Variants in NEK9 observed in about 807,000 individuals in gnomAD.
NEK9 encodes the protein serine/threonine-protein kinase Nek9.
In NEK9, 75 loss-of-function variants were observed where a neutral mutation model predicts 123.4. That is an observed-to-expected ratio of 0.61 (90% confidence interval 0.50 to 0.74). NEK9 has a LOEUF of 0.74. Ranked by LOEUF, NEK9 falls within the 30% of genes least tolerant of loss-of-function variation. NEK9 has a pLI of 0.00. For missense variants in NEK9, 952 were observed against 1,214.4 expected (o/e 0.78, Z 3.21); for synonymous variants, 438 against 458.7 (o/e 0.95, Z 0.58).
intron 15 of NEK9, 114 bp from the exon 16 acceptor site, chr14:75,101,267 A>G (rs1308522085): frequency 8.9e-7 from 1 of 1,123,676 alleles, no homozygotes; most frequent in Non-Finnish European, 1.2e-6. Flanking sequence ...ATACAAATAT[A>G]AAACTAGCCA....
intron 16 of NEK9, among the ~76,000 whole-genome samples, chr14:75,100,394 C>T (rs1321818153): frequency 6.6e-6 from 1 of 151,896 alleles, no homozygotes; most frequent in East Asian, 1.9e-4. Flanking sequence ...TGTGATGAGC[C>T]GAGATTGCGC....
intron 1 of NEK9, 68 bp downstream of exon 1, chr14:75,126,635 G>T: frequency 1.6e-6 from 2 of 1,241,650 alleles, no homozygotes; most frequent in Non-Finnish European, 2.1e-6. Context: ...GGAAAGCGGG[G>T]CCGAGAAGGA....
intron 5 of NEK9, among the ~76,000 whole-genome samples, chr14:75,117,750 G>T (rs1002222782): frequency 1.1e-4 from 17 of 152,134 alleles, no homozygotes; most frequent in African/African-American, 4.1e-4. Context: ...TAAAATACGC[G>T]CAATGAAACT....
chr14:75,100,919 C>T, intron 16 of NEK9, 73 bp downstream of exon 16: 1 of 1,451,094 alleles, frequency 6.9e-7, no homozygotes. Flanking sequence ...ATAACTAGTC[C>T]ATTTCTTTCC....
chr14:75,103,235 T>C (rs1894651518), intron 14 of NEK9, among the ~76,000 whole-genome samples: 1 of 150,792 alleles, frequency 6.6e-6, no homozygotes, highest in Non-Finnish European at 1.5e-5. Flanking sequence ...CAGTGGTGAA[T>C]TTGCTAACAT....
intron 17 of NEK9, 59 bp downstream of exon 17, chr14:75,097,041 C>G: frequency 6.7e-7 from 1 of 1,488,792 alleles, no homozygotes; most frequent in Non-Finnish European, 9.1e-7. Context: ...TAACAGTACT[C>G]AGATGTGGGT....
At chr14:75,107,266 C>A in intron 11 of NEK9, 77 bp downstream of exon 11, 1 of 1,446,244 alleles carries the variant, frequency 6.9e-7, no homozygotes, top group Admixed American at 2.2e-5. Flanking sequence ...TTTTAAAATC[C>A]CAACTAAGAT....
At chr14:75,103,372 T>A (rs899813052) in intron 14 of NEK9, among the ~76,000 whole-genome samples, 9 of 152,212 alleles carry the variant, frequency 5.9e-5, no homozygotes, top group Middle Eastern at 3.2e-3. Context: ...ATGTTTTTTT[T>A]TATAACATTA....
chr14:75,125,942 G>A (rs985444319), intron 1 of NEK9, among the ~76,000 whole-genome samples: 1 of 152,150 alleles, frequency 6.6e-6, no homozygotes, highest in African/African-American at 2.4e-5. Context: ...TTTTACACTA[G>A]TATATATTAA....
chr14:75,114,080 C>A, intron 7 of NEK9, 123 bp downstream of exon 7: 1 of 658,414 alleles, frequency 1.5e-6, no homozygotes, highest in Non-Finnish European at 2.7e-6. Context: ...GGTATAGCCA[C>A]AAATACACTC....
Position 75,087,019 on chromosome 14 carries a change from T to C in NEK9, c.2816A>G (p.Gln939Arg). 6.2e-7 allele frequency: 1 copy of C among 1,613,896 alleles called. No homozygotes were observed. The highest frequency in any genetic ancestry group is 8.5e-7 in the Non-Finnish European group (1 of 1,179,688). ...GGATTATTCTTTTAATGCTCTCACC[T>C]GCTGCCCTCCTTCTAATTTCTTGTT... Reference protein sequence around the residue: ...KLNKKLEGGQQVGMHSKGTQT... With the variant: ...KLNKKLEGGQRVGMHSKGTQT... Residue 939 changes from glutamine to arginine, a missense_variant and splice_region_variant, in exon 21 of 22, where the codon CAG (glutamine) becomes CGG (arginine). Gln to Arg is a conservative substitution (Grantham distance 43). This residue lies in a region of NEK9 where 698 missense variants were observed against 875.6 expected (regional missense o/e 0.80). Transcript: ENST00000238616.
chr14:75,090,183 G>A lies in NEK9; in HGVS notation c.2442+1087C>T, dbSNP rs1894168298. Among the ~76,000 whole-genome samples, 3 of 150,632 alleles carry A rather than the reference G, an allele frequency of 2.0e-5. No homozygotes were observed. The South Asian group carries it at 6.3e-4, about 32-fold the overall frequency. On this transcript the variant is annotated intron_variant, in intron 19 of 21. Transcript: ENST00000238616. ...TATAGAGATGGGGTCTCCCTATGTT[G>A]TCTAGGCTGGTCTCAAACTCCTGGG...
At chr14:75,118,979 G>T in intron 4 of NEK9, 44 bp from the exon 5 acceptor site, 2 of 1,080,942 alleles carry the variant, frequency 1.9e-6, no homozygotes, top group Non-Finnish European at 2.8e-6. Context: ...ACAGATAATT[G>T]TTTTATTTCA....
chr14:75,097,136 G>T lies in NEK9; in HGVS notation c.2137C>A (p.Leu713Met). 6.2e-7 allele frequency: 1 copy of T among 1,612,528 alleles called. No individual in the cohort carries two copies. Among genetic ancestry groups the T allele is most frequent in the Non-Finnish European group, 8.5e-7 (1 of 1,179,200 alleles). Residue 713 changes from leucine to methionine, a missense_variant, in exon 17 of 22, where the codon CTG becomes ATG. By Grantham distance (15) the Leu-to-Met change is conservative. Coordinates refer to ENST00000238616, the MANE Select transcript of NEK9 (RefSeq NM_033116.6). The stretch of plus-strand genomic sequence containing the variant: ...ATGGTATGCCATCCACGGCAAGACA[G>T]GTCCGGGACATGATGCAGAGATCCA... ...IFGSLHHVPDLSCRGWHTILI... is the reference protein window; with the variant it reads ...IFGSLHHVPDMSCRGWHTILI...
chr14:75,103,364 GT>G (rs201664100), intron 14 of NEK9, among the ~76,000 whole-genome samples: 2,270 of 151,374 alleles, frequency 0.015, 30 homozygotes, highest in African/African-American at 0.032. Flanking sequence ...ATGGAAATAT[GT>G]TTTTTTTTAT....
intron 18 of NEK9, among the ~76,000 whole-genome samples, chr14:75,093,030 A>G (rs1231739702): frequency 1.3e-5 from 2 of 152,224 alleles, no homozygotes; most frequent in African/African-American, 4.8e-5. Flanking sequence ...ACCTAAGACT[A>G]TTTTAACATA....
chr14:75,121,287 T>C (rs1477295385), intron 2 of NEK9, 113 bp from the exon 3 acceptor site: 5 of 705,446 alleles, frequency 7.1e-6, no homozygotes, highest in South Asian at 3.7e-5. Flanking sequence ...TTTCTCTCCA[T>C]AGGCAACTAC....
At position 75,116,960 on chromosome 14, in the gene NEK9, G is replaced by A. The variant is rs560003061; in HGVS notation, c.762+235C>T. ...GAGACGGGGTTTCACCATGTTGGCC[G>A]GGGTGACCTCAAGTGATCCACCCAC... On this transcript the variant is annotated intron_variant, in intron 6 of 21. Coordinates refer to ENST00000238616, the MANE Select transcript of NEK9 (RefSeq NM_033116.6). Among the ~76,000 whole-genome samples the A allele has an allele frequency of 9.2e-5, 14 of 152,108 alleles. No individual in the cohort carries two copies. The South Asian group carries it at 2.7e-3, about 29-fold the overall frequency.
rs1893910888 is a variant in NEK9 at position 75,082,973 on chromosome 14, G to A, written c.*1591C>T. The A allele has an allele frequency of 2.5e-6, 1 of 398,532 alleles. No individual in the cohort carries two copies. The highest frequency in any genetic ancestry group is 2.1e-5 in the African/African-American group (1 of 48,728). The allele number at this position is 398,532 out of a possible 1,614,324, so 24.7% of individuals were successfully genotyped here. A position where few individuals can be genotyped will look rare whatever the true frequency, so the allele number is the denominator to read the frequency against. ...GCTTCCCAGAACTGAGAAAACAATG[G>A]GAACATCAAACCAAAGAAGATCCCA... On this transcript the variant is annotated 3_prime_UTR_variant, in exon 22 of 22. Transcript: ENST00000238616.
Sources: allele counts gnomAD v4.1 joint callset (sites outside exome capture counted in the v4.1 genomes callset), GRCh38; gene constraint gnomAD v4.1.1; regional missense constraint gnomAD v4.1.1; transcripts MANE v1.5; gene names NCBI Gene and HGNC (gene_info 2026-07-23, HGNC 2026-07-21).